Variants in CRYBB2 observed in about 807,000 individuals in gnomAD.
CRYBB2 encodes beta-crystallin B2.
Under a neutral mutation model 24.3 loss-of-function variants are expected in CRYBB2, and 12 were observed. The ratio of observed to expected loss-of-function variants is 0.49; its 90% CI spans 0.32 to 0.80. The LOEUF is 0.80. Among genes scored for constraint, CRYBB2 ranks in the 30% least tolerant of loss-of-function variants. CRYBB2 has a pLI of 0.04. For missense variants in CRYBB2, 198 were observed against 268.5 expected, an observed-to-expected ratio of 0.74 and a Z score of 1.83; for synonymous variants, 98 against 101.6, an observed-to-expected ratio of 0.96 and a Z score of 0.21.
intron 5 of CRYBB2, among the ~76,000 whole-genome samples, chr22:25,229,858 A>G (rs998913293): frequency 2.0e-5 from 3 of 151,874 alleles, no homozygotes; most frequent in African/African-American, 7.3e-5. Context: ...TGTATGTCAG[A>G]GGGGCAAGTT....
intron 4 of CRYBB2, among the ~76,000 whole-genome samples, chr22:25,229,097 A>G (rs554733811): frequency 1.4e-4 from 20 of 146,850 alleles, no homozygotes; most frequent in East Asian, 6.0e-4. Flanking sequence ...GTGGGTGTGC[A>G]TGTGTGTGTG....
upstream of CRYBB2, among the ~76,000 whole-genome samples, chr22:25,215,538 G>C: frequency 6.6e-6 from 1 of 150,590 alleles, no homozygotes. Context: ...CCATATTTCT[G>C]TGTGTGTGTC....
Position 25,224,824 on chromosome 22 carries a change from C to G in CRYBB2, c.55-94C>G, listed in dbSNP as rs141066389. The G allele has an allele frequency of 1.1e-4, 90 of 793,196 alleles. 1 individual carries two copies. In the African/African-American group the frequency reaches 1.2e-3, roughly 11 times the overall value. 49.1% of individuals were successfully genotyped at this position (793,196 alleles called of 1,614,324 possible). On this transcript the variant is annotated intron_variant, in intron 2 of 5. Coordinates refer to ENST00000398215, the MANE Select transcript of CRYBB2 (RefSeq NM_000496.3). ...ACTCTGGAGGTGAACCCTTCAGCAT[C>G]CTTTGGGTTCTCTGAGCTCCCTCCC...
intron 4 of CRYBB2, among the ~76,000 whole-genome samples, chr22:25,228,625 G>A (rs5760925): frequency 0.17 from 26,530 of 152,036 alleles, 2,449 homozygotes; most frequent in African/African-American, 0.23. Flanking sequence ...GGAAGGTTGG[G>A]GAACACGGGA....
chr22:25,218,784 A>G (rs377719548), upstream of CRYBB2, among the ~76,000 whole-genome samples: 288 of 68,732 alleles, frequency 4.2e-3, 10 homozygotes, highest in African/African-American at 8.7e-3. Context: ...AGAGAGAAGA[A>G]AGAAAGAAAG....
At chr22:25,225,621 A>T (rs1735261349) in intron 3 of CRYBB2, among the ~76,000 whole-genome samples, 1 of 152,192 alleles carries the variant, frequency 6.6e-6, no homozygotes, top group African/African-American at 2.4e-5. Flanking sequence ...GTCCTATGTG[A>T]GCCTGCAGAG....
chr22:25,218,258 C>CAA (rs34191563), upstream of CRYBB2, among the ~76,000 whole-genome samples: 1,061 of 134,660 alleles, frequency 7.9e-3, 10 homozygotes, highest in Non-Finnish European at 9.9e-3. Context: ...GACTCCATCT[C>CAA]AAAAAAAAAA....
rs371537171 is a variant in CRYBB2 at position 25,224,081 on chromosome 22, G to A, written c.55-837G>A. On this transcript the variant is annotated intron_variant, in intron 2 of 5. Transcript: ENST00000398215. ...GGAGCTTGCAGTGAGCCGAGATCGC[G>A]CCACTGCACTCCAGCCTGGGCGACA... 1.8e-4 allele frequency among the ~76,000 whole-genome samples: 26 copies of A among 146,820 alleles called. No individual in the cohort carries two copies. In the East Asian group the frequency reaches 2.0e-3, roughly 11 times the overall value.
At position 25,231,706 on chromosome 22, in the gene CRYBB2, G is replaced by A. The variant is rs758280695; in HGVS notation, c.552G>A (p.Val184=). 3.0e-5 allele frequency: 49 copies of A among 1,614,016 alleles called. No individual in the cohort carries two copies. The highest frequency in any genetic ancestry group is 3.6e-5 in the Non-Finnish European group (43 of 1,180,028). The change falls in exon 6 of 6, where the codon GTG becomes GTA. Residue 184 remains valine, a synonymous_variant. Coordinates refer to ENST00000398215, the MANE Select transcript of CRYBB2 (RefSeq NM_000496.3). ...SSDFGAPHPQ[V]QSVRRIRDMQ... is the part of the protein sequence containing the mutation. The stretch of plus-strand genomic sequence containing the variant: ...ACTTTGGGGCCCCTCACCCCCAGGT[G>A]CAGTCCGTGCGCCGTATCCGCGACA...
upstream of CRYBB2, among the ~76,000 whole-genome samples, chr22:25,218,857 A>AGAAAGAAAG (rs754737906): frequency 7.8e-6 from 1 of 128,344 alleles, no homozygotes; most frequent in East Asian, 2.3e-4. Flanking sequence ...AGAAAGAAAG[A>AGAAAGAAAG]AAAGAAAGAG....
chr22:25,221,490 A>G lies in CRYBB2; in HGVS notation c.54+7A>G. Reference sequence around the variant, plus strand: ...ACAGTCCCTCAACCCCAAGGTGGGTACCTCTCAGAGGAGGGGGCATGCAAT... The same window carrying G: ...ACAGTCCCTCAACCCCAAGGTGGGTGCCTCTCAGAGGAGGGGGCATGCAAT... On this transcript the variant is annotated splice_region_variant and intron_variant, in intron 2 of 5. Coordinates refer to ENST00000398215, the MANE Select transcript of CRYBB2 (RefSeq NM_000496.3). 6.2e-7 allele frequency: 1 copy of G among 1,609,842 alleles called. No homozygotes were observed. The highest frequency in any genetic ancestry group is 1.3e-5 in the African/African-American group (1 of 74,940).
intron 5 of CRYBB2, among the ~76,000 whole-genome samples, chr22:25,229,881 G>A (rs1935500945): frequency 6.6e-6 from 1 of 151,832 alleles, no homozygotes; most frequent in South Asian, 2.1e-4. Context: ...GGCAGAGGGA[G>A]GATTAGGTTG....
At chr22:25,212,259 G>A (rs1466099336), upstream of CRYBB2, among the ~76,000 whole-genome samples, 3 of 152,210 alleles carry the variant, frequency 2.0e-5, no homozygotes, top group Admixed American at 6.5e-5. Flanking sequence ...TCAATAATGG[G>A]GGTTTATTCT....
chr22:25,215,897 A>T (rs571556759), upstream of CRYBB2, among the ~76,000 whole-genome samples: 10 of 152,216 alleles, frequency 6.6e-5, no homozygotes, highest in Non-Finnish European at 1.5e-4. Flanking sequence ...TTCAGGGCTT[A>T]ATCCATAAAG....
Position 25,221,861 on chromosome 22 carries a change from G to A in CRYBB2, c.54+378G>A, listed in dbSNP as rs77893393. On this transcript the variant is annotated intron_variant, in intron 2 of 5. Transcript: ENST00000398215. The stretch of plus-strand genomic sequence containing the variant: ...TGGCTCTGCACCTGCTGTGTGATCC[G>A]GGCCAATTATTTGATCCCTCTGAGC... Among the ~76,000 whole-genome samples the A allele has an allele frequency of 0.011, 1,606 of 152,246 alleles. 77 individuals carry two copies. The East Asian group carries it at 0.13, about 12-fold the overall frequency.
At chr22:25,231,184 C>A (rs964205693) in intron 5 of CRYBB2, among the ~76,000 whole-genome samples, 1 of 152,136 alleles carries the variant, frequency 6.6e-6, no homozygotes, top group Non-Finnish European at 1.5e-5. Context: ...CATCAGAAGG[C>A]CCCTGGAACC....
chr22:25,217,467 G>C (rs1425734924), upstream of CRYBB2, among the ~76,000 whole-genome samples: 2 of 152,112 alleles, frequency 1.3e-5, no homozygotes, highest in Non-Finnish European at 2.9e-5. Flanking sequence ...ACAGGCATGT[G>C]CCACCATGCC....
chr22:25,221,391 C>CAGGTCCT lies in CRYBB2; in HGVS notation c.-26-13_-26-12insAGGTCCT. On this transcript the variant is annotated splice_polypyrimidine_tract_variant and intron_variant, in intron 1 of 5. Transcript: ENST00000398215. ...CCCTCCAGGTCCTCACTGCTGCTTC[C>CAGGTCCT]CATGTCTTCCAGGTCATTCCTGCAC... 1 of 1,588,388 alleles carries CAGGTCCT rather than the reference C, an allele frequency of 6.3e-7. No individual in the cohort carries two copies. The highest frequency in any genetic ancestry group is 8.6e-7 in the Non-Finnish European group (1 of 1,156,590).
chr22:25,226,320 T>C (rs1011004033), intron 3 of CRYBB2, among the ~76,000 whole-genome samples: 1 of 152,190 alleles, frequency 6.6e-6, no homozygotes, highest in African/African-American at 2.4e-5. Flanking sequence ...TTTATGTTGG[T>C]GTTTTTCAAA....
Sources: gnomAD v4.1 joint callset for allele counts (sites outside exome capture counted in the v4.1 genomes callset) on GRCh38, gnomAD v4.1.1 for gene constraint, MANE v1.5 for transcripts, NCBI Gene and HGNC (gene_info 2026-07-23, HGNC 2026-07-21) for gene names.